Variants in HNF1A observed in about 807,000 individuals in gnomAD.
HNF1A encodes HNF1 homeobox A, also known as hepatocyte nuclear factor 1-alpha.
In HNF1A, 21 loss-of-function variants were observed where a neutral mutation model predicts 62.2. That is an observed-to-expected ratio of 0.34 (90% CI 0.24 to 0.49). The LOEUF (loss-of-function observed/expected upper bound fraction) is 0.49. HNF1A is among the 20% of genes least tolerant of loss of function. The pLI is 0.99. For missense variants in HNF1A, 687 were observed against 832.3 expected (o/e 0.83, Z 2.15); for synonymous variants, 374 against 366.8 (o/e 1.02, Z -0.22).
chr12:120,982,466 G>GGGC (rs1555210726), intron 1 of HNF1A, among the ~76,000 whole-genome samples: 96 of 151,724 alleles, frequency 6.3e-4, no homozygotes, highest in African/African-American at 2.1e-3. Flanking sequence ...CAGGAGGGGG[G>GGGC]GGGGACAGAG....
intron 1 of HNF1A, chr12:120,980,878 G>A (rs1876219508): frequency 6.6e-6 from 1 of 151,958 alleles, no homozygotes; most frequent in African/African-American, 2.4e-5. Context: ...ACCCAGCTGG[G>A]AGAAGGGGCA....
At position 120,988,902 on chromosome 12, in the gene HNF1A, G is replaced by A. The variant is rs757315704; in HGVS notation, c.396G>A (p.Glu132=). Residue 132 remains glutamate, a synonymous_variant, in exon 2 of 10, where the codon GAG becomes GAA. Coordinates refer to ENST00000257555, the MANE Select transcript of HNF1A (RefSeq NM_000545.8). ...YLQQHNIPQR[E]VVDTTGLNQS... is the part of the protein sequence containing the mutation. ...AGCAGCACAACATCCCACAGCGGGA[G>A]GTGGTCGATACCACTGGCCTCAACC... is the stretch of plus-strand genomic sequence containing the variant. The A allele has an allele frequency of 4.3e-6, 7 of 1,614,248 alleles. No individual in the cohort carries two copies. Among genetic ancestry groups the A allele is most frequent in the Non-Finnish European group, 5.9e-6 (7 of 1,180,050 alleles).
rs1876982147 is a variant in HNF1A, at chr12:120,994,347, G to T, written c.897G>T (p.Leu299=). The change falls in exon 4 of 10, where the codon CTG becomes CTT. Residue 299 remains leucine, a synonymous_variant. Transcript: ENST00000257555. The part of the protein sequence containing the change: ...PPPGPGPGPA[L]PAHSSPGLPP... Reference sequence around the variant, plus strand: ...CAGGGCCAGGCCCGGGACCTGCGCTGCCCGCTCACAGCTCCCCTGGCCTGC... The same window carrying T: ...CAGGGCCAGGCCCGGGACCTGCGCTTCCCGCTCACAGCTCCCCTGGCCTGC... 9 of 1,602,516 alleles carry T rather than the reference G, an allele frequency of 5.6e-6. No individual in the cohort carries two copies. The highest frequency in any genetic ancestry group is 7.7e-6 in the Non-Finnish European group (9 of 1,174,858).
intron 2 of HNF1A, among the ~76,000 whole-genome samples, chr12:120,991,748 G>C (rs1876851985): frequency 6.6e-6 from 1 of 152,076 alleles, no homozygotes; most frequent in Non-Finnish European, 1.5e-5. Context: ...ATACACACTT[G>C]GAAAAACAGT....
rs142797154 is a variant in HNF1A at position 120,999,578 on chromosome 12, C to A, written c.1719C>A (p.Ala573=). ...TCCACGTCCCCAGCCAGGACCCTGCCAGCATCCAGCACCTGCAGCCGGCCC... is the reference window on the plus strand; with the variant it reads ...TCCACGTCCCCAGCCAGGACCCTGCAAGCATCCAGCACCTGCAGCCGGCCC... ...TTLHVPSQDP[A]SIQHLQPAHR... Residue 573 remains alanine, a synonymous_variant, in exon 9 of 10, where the codon GCC becomes GCA. Coordinates refer to ENST00000257555, the MANE Select transcript of HNF1A (RefSeq NM_000545.8). 6.2e-7 allele frequency: 1 copy of A among 1,612,554 alleles called. No homozygotes were observed. The highest frequency in any genetic ancestry group is 8.5e-7 in the Non-Finnish European group (1 of 1,179,688).
chr12:120,993,007 AG>A (rs1876908072), intron 2 of HNF1A, among the ~76,000 whole-genome samples: 1 of 152,214 alleles, frequency 6.6e-6, no homozygotes, highest in Non-Finnish European at 1.5e-5. Context: ...AAGTGGTACC[AG>A]CTGATGAAGG....
chr12:120,994,476 C>G (rs2135842972), intron 4 of HNF1A, 71 bp downstream of exon 4: 2 of 1,518,072 alleles, frequency 1.3e-6, no homozygotes, highest in Non-Finnish European at 1.8e-6. Context: ...CCAGTGACAG[C>G]AGTCACCTAA....
At chr12:120,983,718 G>A (rs888330634) in intron 1 of HNF1A, among the ~76,000 whole-genome samples, 7 of 151,874 alleles carry the variant, frequency 4.6e-5, no homozygotes, top group African/African-American at 1.7e-4. Context: ...GCTAATTTTT[G>A]TATTTTTAGT....
chr12:120,989,142 G>A (rs1876684363), intron 2 of HNF1A, 110 bp downstream of exon 2: 2 of 1,061,984 alleles, frequency 1.9e-6, no homozygotes, highest in Non-Finnish European at 2.8e-6. Flanking sequence ...ACAGGTAGAT[G>A]GAAAGGAAGT....
At chr12:120,983,837 C>T (rs1313054826) in intron 1 of HNF1A, among the ~76,000 whole-genome samples, 2 of 152,046 alleles carry the variant, frequency 1.3e-5, no homozygotes, top group South Asian at 2.1e-4. Context: ...TGAGCCACCA[C>T]GCCCAGCCTT....
At position 120,978,851 on chromosome 12, in the gene HNF1A, A is replaced by G. The variant is rs1876087487; in HGVS notation, c.83A>G (p.Gln28Arg). 6.2e-7 allele frequency: 1 copy of G among 1,613,370 alleles called. No homozygotes were observed. The highest frequency in any genetic ancestry group is 8.5e-7 in the Non-Finnish European group (1 of 1,179,846). The part of the protein sequence containing the change: ...ESGLSKEALI[Q>R]ALGEPGPYLL... Reference sequence around the variant, plus strand: ...GGGCTGAGCAAAGAGGCACTGATCCAGGCACTGGGTGAGCCGGGGCCCTAC... The same window carrying G: ...GGGCTGAGCAAAGAGGCACTGATCCGGGCACTGGGTGAGCCGGGGCCCTAC... The change falls in exon 1 of 10, where the codon CAG becomes CGG. Residue 28 changes from glutamine (Q) to arginine (R), a missense_variant. Transcript: ENST00000257555.
chr12:120,983,808 AGT>A (rs368564551), intron 1 of HNF1A, among the ~76,000 whole-genome samples: 45 of 152,114 alleles, frequency 3.0e-4, no homozygotes, highest in African/African-American at 9.9e-4. Flanking sequence ...GGCCTCCCAA[AGT>A]GTGGGGATTA....
rs1876066923 is a variant in HNF1A, at chr12:120,978,639, GT to G, written c.-126del. On this transcript the variant is annotated 5_prime_UTR_variant, in exon 1 of 10. Transcript: ENST00000257555. ...GTGCCCACAGGGCTTGGCTAGTGGG[GT>G]TTTGGGGGGGCAGTGGGTGCAAGGA... is the stretch of plus-strand genomic sequence containing the variant. 3 of 896,138 alleles carry G rather than the reference GT, an allele frequency of 3.3e-6. No homozygotes were observed. The highest frequency in any genetic ancestry group is 1.6e-5 in the African/African-American group (1 of 61,454). 55.5% of individuals were successfully genotyped at this position (896,138 alleles called of 1,614,324 possible). A position where few individuals can be genotyped will look rare whatever the true frequency, so the allele number is the denominator to read the frequency against.
chr12:120,988,317 A>T lies in HNF1A; in HGVS notation c.327-516A>T, dbSNP rs528910860. Among the ~76,000 whole-genome samples, 7 of 146,786 alleles carry T rather than the reference A, an allele frequency of 4.8e-5. No homozygotes were observed. In the South Asian group the frequency reaches 1.5e-3, roughly 32 times the overall value. On this transcript the variant is annotated intron_variant, in intron 1 of 9. Transcript: ENST00000257555. ...TCATCCAACCATCCATCCATCCATC[A>T]TCCATCCACCCATCTATCTGTCCAT...
chr12:121,001,966 C>T lies in HNF1A; in HGVS notation c.*774C>T, dbSNP rs531532303. The T allele has an allele frequency of 4.3e-5, 23 of 532,960 alleles. No homozygotes were observed. The highest frequency in any genetic ancestry group is 4.3e-4 in the African/African-American group (23 of 54,024). The allele number at this position is 532,960 out of a possible 1,614,324, so 33.0% of individuals were successfully genotyped here. A position where few individuals can be genotyped will look rare whatever the true frequency, so the allele number is the denominator to read the frequency against. On this transcript the variant is annotated 3_prime_UTR_variant, in exon 10 of 10. Transcript: ENST00000257555. ...TGGCCTCCTGCCTCTACTGGGAAGG[C>T]TACTTCGGGGCTGGGAAGTCGTCCT...
Position 121,002,010 on chromosome 12 carries a change from G to A in HNF1A, c.*818G>A, listed in dbSNP as rs968891794. On this transcript the variant is annotated 3_prime_UTR_variant, in exon 10 of 10. Coordinates refer to ENST00000257555, the MANE Select transcript of HNF1A (RefSeq NM_000545.8). ...TCGTCCTTACTCCTGTGGGAGCCTC[G>A]CAACCCGTGCCAAGTCCAGGTCCTG... is the stretch of plus-strand genomic sequence containing the variant. The A allele has an allele frequency of 3.0e-5, 16 of 536,420 alleles. No individual in the cohort carries two copies. Among genetic ancestry groups the A allele is most frequent in the Admixed American group, 4.4e-5 (2 of 45,012 alleles). 33.2% of individuals were successfully genotyped at this position (536,420 alleles called of 1,614,324 possible).
intron 1 of HNF1A, among the ~76,000 whole-genome samples, chr12:120,987,614 A>G (rs1013583199): frequency 2.6e-5 from 4 of 151,644 alleles, no homozygotes; most frequent in Non-Finnish European, 5.9e-5. Context: ...ATATACACAT[A>G]TATATATATA....
At chr12:120,998,256 T>C (rs1038256613) in intron 7 of HNF1A, 15 of 160,406 alleles carry the variant, frequency 9.4e-5, no homozygotes, top group Non-Finnish European at 2.0e-4. Flanking sequence ...CACTCCAGCC[T>C]GGGCAACAGA....
intron 7 of HNF1A, chr12:120,998,125 C>T: frequency 3.1e-6 from 1 of 319,780 alleles, no homozygotes. Context: ...ACTAAAAGTA[C>T]AAAAATTAGC....
Sources: gnomAD v4.1 joint callset for allele counts (sites outside exome capture counted in the v4.1 genomes callset) on GRCh38, gnomAD v4.1.1 for gene constraint, MANE v1.5 for transcripts, NCBI Gene and HGNC (gene_info 2026-07-23, HGNC 2026-07-21) for gene names.